SLC25A13: variants seen among roughly 807,000 people sequenced by gnomAD.
The protein encoded by SLC25A13 is electrogenic aspartate/glutamate antiporter SLC25A13, mitochondrial.
In SLC25A13, 70 loss-of-function variants were observed where a neutral mutation model predicts 85.5. The observed-to-expected ratio is 0.82, with a 90% confidence interval of 0.68 to 1.00. SLC25A13 has a LOEUF of 1.00. Ranked by LOEUF, SLC25A13 falls within the 50% of genes least tolerant of loss-of-function variation. The probability of loss-of-function intolerance (pLI) is 0.00; values close to 1 mark genes in which losing one functional copy is unlikely to be tolerated. For missense variants in SLC25A13, 765 were observed against 819.8 expected (o/e 0.93, Z 0.82); for synonymous variants, 259 against 288.7 (o/e 0.90, Z 1.04).
At chr7:96,173,835 G>A (rs1363491193) in intron 11 of SLC25A13, among the ~76,000 whole-genome samples, 1 of 152,176 alleles carries the variant, frequency 6.6e-6, no homozygotes, top group Non-Finnish European at 1.5e-5. Context: ...TCAGCAACCT[G>A]AGCCTGCTAC....
intron 15 of SLC25A13, among the ~76,000 whole-genome samples, chr7:96,123,329 G>A (rs555234250): frequency 1.3e-5 from 2 of 152,250 alleles, no homozygotes; most frequent in East Asian, 1.9e-4. Context: ...TCACACCACC[G>A]ATTTTGTTTT....
intron 1 of SLC25A13, among the ~76,000 whole-genome samples, chr7:96,302,976 T>C (rs1326706010): frequency 6.6e-6 from 1 of 152,192 alleles, no homozygotes; most frequent in Non-Finnish European, 1.5e-5. Context: ...AGGTTCTCAG[T>C]CCTCGCTGCA....
intron 14 of SLC25A13, among the ~76,000 whole-genome samples, chr7:96,136,529 T>C (rs1393061657): frequency 2.6e-5 from 4 of 152,206 alleles, no homozygotes; most frequent in Non-Finnish European, 5.9e-5. Context: ...CAATTTCCGA[T>C]GTCTCTTTTT....
rs570469159 is a variant in SLC25A13 at position 96,216,483 on chromosome 7, G to A, written c.329-7506C>T. Reference sequence around the variant, plus strand: ...CTGCAGCACTATTCACAATAGCAAAGAGGTGGAATCAACCTAAATGCCTAT... The same window carrying A: ...CTGCAGCACTATTCACAATAGCAAAAAGGTGGAATCAACCTAAATGCCTAT... On this transcript the variant is annotated intron_variant, in intron 4 of 17. Coordinates refer to ENST00000265631, the MANE Select transcript of SLC25A13 (RefSeq NM_014251.3). 5.3e-5 allele frequency among the ~76,000 whole-genome samples: 8 copies of A among 152,220 alleles called. No homozygotes were observed. In the East Asian group the frequency reaches 1.5e-3, roughly 29 times the overall value.
chr7:96,201,558 A>G (rs4727336), intron 5 of SLC25A13, among the ~76,000 whole-genome samples: 148,708 of 150,950 alleles, frequency 0.99, 73,289 homozygotes, highest in East Asian at 1. Context: ...CACTAATACA[A>G]ACAAGACAAG....
chr7:96,287,247 G>A (rs1028391826), intron 2 of SLC25A13, among the ~76,000 whole-genome samples: 1 of 152,120 alleles, frequency 6.6e-6, no homozygotes, highest in Non-Finnish European at 1.5e-5. Flanking sequence ...CACTATCCAG[G>A]CCTGGTGAGA....
chr7:96,306,903 C>A, intron 1 of SLC25A13: 1 of 1,075,690 alleles, frequency 9.3e-7, no homozygotes, highest in Non-Finnish European at 1.4e-6. Flanking sequence ...ATCTCTCTTG[C>A]CCTTCACTTG....
intron 3 of SLC25A13, among the ~76,000 whole-genome samples, chr7:96,244,451 C>T (rs989281503): frequency 2.0e-5 from 3 of 152,180 alleles, no homozygotes; most frequent in Non-Finnish European, 4.4e-5. Context: ...AGTGATTACC[C>T]AATCTTCTAA....
chr7:96,273,592 TGTGTGTAC>T (rs994480448), intron 3 of SLC25A13, among the ~76,000 whole-genome samples: 1 of 152,210 alleles, frequency 6.6e-6, no homozygotes, highest in African/African-American at 2.4e-5. Context: ...AAAGAAATTA[TGTGTGTAC>T]GTGTTTGTGT....
intron 13 of SLC25A13, among the ~76,000 whole-genome samples, chr7:96,168,318 T>C (rs1442997253): frequency 6.6e-6 from 1 of 152,030 alleles, no homozygotes; most frequent in Non-Finnish European, 1.5e-5. Context: ...TAAGGACCAC[T>C]GTCTACCTCT....
At chr7:96,314,974 G>T (rs536164981) in intron 1 of SLC25A13, among the ~76,000 whole-genome samples, 8 of 152,250 alleles carry the variant, frequency 5.3e-5, no homozygotes, top group African/African-American at 1.9e-4. Context: ...CTGAGACCAG[G>T]TTTGCTCTTT....
chr7:96,122,997 A>G (rs1031039613), intron 15 of SLC25A13, among the ~76,000 whole-genome samples: 2 of 152,084 alleles, frequency 1.3e-5, no homozygotes, highest in Non-Finnish European at 2.9e-5. Context: ...TCACAACTAC[A>G]TTTCATCCTT....
At chr7:96,290,754 T>A (rs1215660091) in intron 2 of SLC25A13, among the ~76,000 whole-genome samples, 1 of 152,154 alleles carries the variant, frequency 6.6e-6, no homozygotes, top group South Asian at 2.1e-4. Flanking sequence ...ATGCACCCAA[T>A]ACAGGAGCAC....
chr7:96,317,622 C>T (rs1412630601), intron 1 of SLC25A13, among the ~76,000 whole-genome samples: 2 of 151,932 alleles, frequency 1.3e-5, no homozygotes, highest in Non-Finnish European at 2.9e-5. Flanking sequence ...CAGAAGACTT[C>T]CCTCATCTCC....
chr7:96,139,064 C>T (rs1016332570), intron 14 of SLC25A13, among the ~76,000 whole-genome samples: 1 of 152,138 alleles, frequency 6.6e-6, no homozygotes, highest in Non-Finnish European at 1.5e-5. Flanking sequence ...TTGATAACAA[C>T]TAACACATCA....
intron 1 of SLC25A13, among the ~76,000 whole-genome samples, 187 bp downstream of exon 1, chr7:96,321,755 C>T (rs1180620415): frequency 6.6e-6 from 1 of 152,218 alleles, no homozygotes; most frequent in Non-Finnish European, 1.5e-5. Flanking sequence ...TCGGTCTCTG[C>T]ACCGACCGCC....
chr7:96,243,472 C>T (rs567826850), intron 3 of SLC25A13, among the ~76,000 whole-genome samples: 44 of 152,194 alleles, frequency 2.9e-4, no homozygotes, highest in African/African-American at 9.1e-4. Flanking sequence ...AATAGAGCAA[C>T]GCCTTGGAAT....
intron 3 of SLC25A13, among the ~76,000 whole-genome samples, chr7:96,252,361 C>T (rs905123329): frequency 1.3e-5 from 2 of 152,204 alleles, no homozygotes; most frequent in Non-Finnish European, 2.9e-5. Flanking sequence ...AGTTTGGGGC[C>T]TGAGCAACTG....
At chr7:96,135,864 T>TTG (rs1253189249) in intron 14 of SLC25A13, among the ~76,000 whole-genome samples, 1 of 149,702 alleles carries the variant, frequency 6.7e-6, no homozygotes, top group African/African-American at 2.5e-5. Flanking sequence ...TTTGGTTTTT[T>TTG]TTTTTTTTTT....
Sources: gnomAD v4.1 joint callset for allele counts (sites outside exome capture counted in the v4.1 genomes callset) on GRCh38, gnomAD v4.1.1 for gene constraint, MANE v1.5 for transcripts, NCBI Gene and HGNC (gene_info 2026-07-23, HGNC 2026-07-21) for gene names.